SLCO1B1: variants seen among roughly 807,000 people sequenced by gnomAD.
SLCO1B1 encodes OATP-2.
Under a neutral mutation model 70.1 loss-of-function variants are expected in SLCO1B1, and 81 were observed. That is an observed-to-expected ratio of 1.16 (90% CI 0.97 to 1.39). SLCO1B1 has a LOEUF of 1.39. Ranked by LOEUF, SLCO1B1 falls within the 40% of genes most tolerant of loss-of-function variation. The pLI is 0.00. For synonymous variants in SLCO1B1, 283 were observed against 271.5 expected (o/e 1.04, Z -0.42); for missense variants, 895 against 799.6 (o/e 1.12, Z -1.44).
chr12:21,223,198 T>A (rs1283162852), intron 13 of SLCO1B1, among the ~76,000 whole-genome samples: 1 of 152,068 alleles, frequency 6.6e-6, no homozygotes, highest in Admixed American at 6.6e-5. Context: ...GGAAAAAAAA[T>A]GAGTTTCACC....
At chr12:21,206,155 T>C in intron 11 of SLCO1B1, 122 bp downstream of exon 11, 4 of 811,012 alleles carry the variant, frequency 4.9e-6, no homozygotes, top group South Asian at 4.7e-5. Flanking sequence ...AAGTTTCCAG[T>C]ATTATCTGTT....
intron 2 of SLCO1B1, among the ~76,000 whole-genome samples, chr12:21,170,280 G>C (rs896028282): frequency 2.6e-5 from 4 of 152,190 alleles, no homozygotes; most frequent in Non-Finnish European, 2.9e-5. Flanking sequence ...TCTAGTGAGA[G>C]AGACTGGAAA....
intron 14 of SLCO1B1, among the ~76,000 whole-genome samples, chr12:21,225,712 T>G (rs575101792): frequency 6.6e-6 from 1 of 152,322 alleles, no homozygotes; most frequent in South Asian, 2.1e-4. Flanking sequence ...TACGGAACTC[T>G]TAAACATCAG....
rs567765001 is a variant in SLCO1B1 at position 21,238,827 on chromosome 12, G to A, written c.1866-152G>A. 359 of 449,122 alleles carry A rather than the reference G, an allele frequency of 8.0e-4. 10 individuals carry two copies. In the South Asian group the frequency reaches 8.7e-3, roughly 11 times the overall value. 27.8% of individuals were successfully genotyped at this position (449,122 alleles called of 1,614,324 possible). A position where few individuals can be genotyped will look rare whatever the true frequency, so the allele number is the denominator to read the frequency against. ...CTATTACAATAATAAAATATCTATC[G>A]TTATGCCCCAATAAAAAGAATTATT... On this transcript the variant is annotated intron_variant, in intron 14 of 14. Coordinates refer to ENST00000256958, the MANE Select transcript of SLCO1B1 (RefSeq NM_006446.5).
chr12:21,206,779 A>G (rs1457414075), intron 11 of SLCO1B1, among the ~76,000 whole-genome samples: 1 of 151,906 alleles, frequency 6.6e-6, no homozygotes, highest in Non-Finnish European at 1.5e-5. Context: ...TCCACTCAAC[A>G]TCTCACAAAG....
intron 10 of SLCO1B1, among the ~76,000 whole-genome samples, chr12:21,205,516 A>C (rs1941205397): frequency 6.6e-6 from 1 of 151,904 alleles, no homozygotes; most frequent in Non-Finnish European, 1.5e-5. Context: ...ACTGAAGAGA[A>C]ACTCAGTCTC....
chr12:21,213,978 CA>C (rs1941322280), intron 11 of SLCO1B1, among the ~76,000 whole-genome samples: 1 of 151,024 alleles, frequency 6.6e-6, no homozygotes, highest in East Asian at 2.0e-4. Flanking sequence ...AAATTTTTTT[CA>C]AAGTTTTCAA....
At chr12:21,230,078 G>A (rs1941518137) in intron 14 of SLCO1B1, among the ~76,000 whole-genome samples, 1 of 151,974 alleles carries the variant, frequency 6.6e-6, no homozygotes, top group African/African-American at 2.4e-5. Flanking sequence ...ATAAATGAGT[G>A]TTTGATTTTG....
At chr12:21,220,430 A>G (rs1391849266) in intron 12 of SLCO1B1, among the ~76,000 whole-genome samples, 6 of 152,032 alleles carry the variant, frequency 3.9e-5, no homozygotes, top group Non-Finnish European at 1.5e-5. Context: ...TCCAGGCTGA[A>G]GTATAATGGC....
At chr12:21,178,145 T>G (rs1940843730) in intron 5 of SLCO1B1, among the ~76,000 whole-genome samples, 7 of 152,082 alleles carry the variant, frequency 4.6e-5, no homozygotes, top group Admixed American at 4.6e-4. Flanking sequence ...TGGGGCCAGG[T>G]AGAGATAATT....
intron 2 of SLCO1B1, among the ~76,000 whole-genome samples, chr12:21,147,309 T>C (rs1343283108): frequency 6.6e-6 from 1 of 152,170 alleles, no homozygotes; most frequent in Non-Finnish European, 1.5e-5. Flanking sequence ...AATTACACTT[T>C]AAGTTCTGGG....
At chr12:21,139,212 T>C (rs1591795376) in intron 1 of SLCO1B1, among the ~76,000 whole-genome samples, 1 of 152,084 alleles carries the variant, frequency 6.6e-6, no homozygotes, top group East Asian at 1.9e-4. Context: ...GATTTCCTAA[T>C]ATTTAAATTA....
intron 7 of SLCO1B1, among the ~76,000 whole-genome samples, chr12:21,183,112 C>T (rs1259824983): frequency 6.6e-6 from 1 of 152,220 alleles, no homozygotes; most frequent in Non-Finnish European, 1.5e-5. Context: ...CACTGAAAAA[C>T]AAAAGAGTTA....
At chr12:21,148,619 T>C (rs1247487726) in intron 2 of SLCO1B1, among the ~76,000 whole-genome samples, 1 of 152,032 alleles carries the variant, frequency 6.6e-6, no homozygotes, top group Non-Finnish European at 1.5e-5. Flanking sequence ...TGGAGGCTTG[T>C]AGTATCATTT....
At chr12:21,183,345 AC>A (rs1324805851) in intron 7 of SLCO1B1, among the ~76,000 whole-genome samples, 1 of 152,100 alleles carries the variant, frequency 6.6e-6, no homozygotes, top group African/African-American at 2.4e-5. Flanking sequence ...ACAGGCACAC[AC>A]CACTACACTT....
At chr12:21,147,300 A>T (rs1940400518) in intron 2 of SLCO1B1, among the ~76,000 whole-genome samples, 2 of 152,122 alleles carry the variant, frequency 1.3e-5, no homozygotes, top group Admixed American at 6.5e-5. Context: ...TTTTTAAAAA[A>T]TTACACTTTA....
chr12:21,214,713 A>C (rs1385674421), intron 11 of SLCO1B1, among the ~76,000 whole-genome samples: 1 of 152,048 alleles, frequency 6.6e-6, no homozygotes, highest in Non-Finnish European at 1.5e-5. Flanking sequence ...GCAATCAGCG[A>C]GACTCCATGG....
intron 13 of SLCO1B1, among the ~76,000 whole-genome samples, chr12:21,224,002 T>C (rs1393742357): frequency 2.0e-5 from 3 of 152,204 alleles, no homozygotes; most frequent in Admixed American, 1.3e-4. Context: ...TGAAAACTTA[T>C]CATTGTGATC....
At chr12:21,162,863 G>C (rs1940638196) in intron 2 of SLCO1B1, among the ~76,000 whole-genome samples, 1 of 152,148 alleles carries the variant, frequency 6.6e-6, no homozygotes, top group African/African-American at 2.4e-5. Context: ...GGTTCCACAT[G>C]ATAACAAGAT....
Sources: gnomAD v4.1 joint callset for allele counts (sites outside exome capture counted in the v4.1 genomes callset) on GRCh38, gnomAD v4.1.1 for gene constraint, MANE v1.5 for transcripts, NCBI Gene and HGNC (gene_info 2026-07-23, HGNC 2026-07-21) for gene names.